The following DNAH1 variants were observed in gnomAD, a reference collection of about 807,000 sequenced individuals.
The protein encoded by DNAH1 is axonemal beta dynein heavy chain 1.
Under a neutral mutation model 484.3 loss-of-function variants are expected in DNAH1, and 327 were observed. The observed-to-expected ratio is 0.68, with a 90% CI of 0.62 to 0.74. The LOEUF is 0.74. Among genes scored for constraint, DNAH1 ranks in the 30% least tolerant of loss-of-function variants. The pLI is 0.00. For missense variants in DNAH1, 5,052 were observed against 5,546.8 expected (o/e 0.91, Z 2.83); for synonymous variants, 2,192 against 2,191.9 (o/e 1.00, Z 0.00).
chr3:52,366,139 G>T (rs1213834818), intron 34 of DNAH1, among the ~76,000 whole-genome samples: 1 of 152,204 alleles, frequency 6.6e-6, no homozygotes, highest in South Asian at 2.1e-4. Context: ...CAGCAGGCTG[G>T]GGCTGAAGTT....
At chr3:52,325,752 G>T (rs555490910) in intron 3 of DNAH1, among the ~76,000 whole-genome samples, 1 of 152,164 alleles carries the variant, frequency 6.6e-6, no homozygotes, top group Non-Finnish European at 1.5e-5. Flanking sequence ...TGCTGAGGGG[G>T]CCTCTGCAGT....
intron 8 of DNAH1, among the ~76,000 whole-genome samples, chr3:52,343,510 G>A (rs1657619846): frequency 6.6e-6 from 1 of 152,142 alleles, no homozygotes; most frequent in Non-Finnish European, 1.5e-5. Flanking sequence ...GGCAGAGAAG[G>A]TGAGAGAGAG....
chr3:52,368,963 G>A lies in DNAH1; in HGVS notation c.5943+45G>A. ...TGCCCACTCTCCTCCAAGGCTGGGT[G>A]GGCCTGGAGGCTGCATCATGCTGGC... On this transcript the variant is annotated intron_variant, in intron 37 of 77. Coordinates refer to ENST00000420323, the MANE Select transcript of DNAH1 (RefSeq NM_015512.5). This position sits in a 1 kb window ranked among gnomAD's most constrained non-coding sequence, Gnocchi z 4.4. 1.9e-6 allele frequency: 3 copies of A among 1,595,298 alleles called. No homozygotes were observed. The South Asian group carries it at 3.3e-5, about 18-fold the overall frequency.
At chr3:52,323,958 T>C in intron 3 of DNAH1, 78 bp downstream of exon 3, 2 of 1,140,050 alleles carry the variant, frequency 1.8e-6, no homozygotes, top group Non-Finnish European at 2.5e-6. Context: ...GGAGACAGCC[T>C]TTTCTTGGCT....
chr3:52,380,639 C>T (rs984774624), intron 48 of DNAH1, among the ~76,000 whole-genome samples: 1 of 152,224 alleles, frequency 6.6e-6, no homozygotes, highest in Non-Finnish European at 1.5e-5. Flanking sequence ...TCCATGTGTC[C>T]CTGGGTCAGG....
At position 52,364,938 on chromosome 3, in the gene DNAH1, A is replaced by C. The variant is rs763395054; in HGVS notation, c.5437A>C (p.Lys1813Gln). Residue 1813 changes from lysine (K) to glutamine (Q), a missense_variant, in exon 34 of 78, where the codon AAG becomes CAG. Coordinates refer to ENST00000420323, the MANE Select transcript of DNAH1 (RefSeq NM_015512.5). This position sits in a 1 kb window ranked among gnomAD's most constrained non-coding sequence, Gnocchi z 4.2. ...GIVSDLFPTI[K>Q]EEDTDYGILD... Reference sequence around the variant, plus strand: ...CGTGTCCGACCTGTTTCCCACCATCAAGGAGGAGGACACGGACTACGGCAT... The same window carrying C: ...CGTGTCCGACCTGTTTCCCACCATCCAGGAGGAGGACACGGACTACGGCAT... 6.2e-6 allele frequency: 10 copies of C among 1,613,886 alleles called. No homozygotes were observed. Among genetic ancestry groups the C allele is most frequent in the Non-Finnish European group, 8.5e-6 (10 of 1,179,846 alleles).
rs1703841341 is a variant in DNAH1 at position 52,381,501 on chromosome 3, G to A, written c.7609-139G>A. 4.3e-6 allele frequency: 3 copies of A among 689,846 alleles called. No homozygotes were observed. 42.7% of individuals were successfully genotyped at this position (689,846 alleles called of 1,614,324 possible). A position where few individuals can be genotyped will look rare whatever the true frequency, so the allele number is the denominator to read the frequency against. On this transcript the variant is annotated intron_variant, in intron 48 of 77. Coordinates refer to ENST00000420323, the MANE Select transcript of DNAH1 (RefSeq NM_015512.5). The surrounding 1 kb of genome is among the most constrained non-coding windows in gnomAD (Gnocchi z 4.1). ...GGGCTCGAGCCTGCAGGGGAAACATGCAGCTGGCCGGGTCACAGGTGGTCA... is the reference window on the plus strand; with the variant it reads ...GGGCTCGAGCCTGCAGGGGAAACATACAGCTGGCCGGGTCACAGGTGGTCA...
At chr3:52,316,196 A>G (rs6445386), upstream of DNAH1, 29,563 of 152,234 alleles carry the variant, frequency 0.19, 3,388 homozygotes, top group African/African-American at 0.31. Flanking sequence ...CATCCCTGAC[A>G]TCCCACCATA....
chr3:52,346,882 G>A (rs1702167029), intron 11 of DNAH1, 112 bp downstream of exon 11: 3 of 1,225,988 alleles, frequency 2.4e-6, no homozygotes, highest in Middle Eastern at 2.8e-4. Flanking sequence ...CCAGGTCCCA[G>A]GCAGTAAGGA....
upstream of DNAH1, among the ~76,000 whole-genome samples, chr3:52,313,521 T>A (rs1229429456): frequency 6.6e-6 from 1 of 152,150 alleles, no homozygotes; most frequent in Non-Finnish European, 1.5e-5. Flanking sequence ...CCCTCCTTTC[T>A]TGCCACCTCA....
chr3:52,377,426 G>A (rs1703651059), intron 46 of DNAH1, among the ~76,000 whole-genome samples: 1 of 151,932 alleles, frequency 6.6e-6, no homozygotes, highest in African/African-American at 2.4e-5. Flanking sequence ...GCCCCGCCAT[G>A]GTCTCCTGGC....
At chr3:52,384,501 G>A (rs1350387961) in intron 52 of DNAH1, among the ~76,000 whole-genome samples, 2 of 152,200 alleles carry the variant, frequency 1.3e-5, no homozygotes, top group African/African-American at 4.8e-5. Flanking sequence ...AAGACCACTG[G>A]GCCAAGAGCT....
In DNAH1 at chr3:52,360,279, A is replaced by G. The variant is rs201192837; in HGVS notation, c.4572-32A>G. 138 of 1,593,854 alleles carry G rather than the reference A, an allele frequency of 8.7e-5. 2 individuals carry two copies. The East Asian group carries it at 2.6e-3, about 30-fold the overall frequency. On this transcript the variant is annotated intron_variant, in intron 27 of 77. Transcript: ENST00000420323. ...ACCCTGCCCAGTGGCCCATTGCCCC[A>G]TGGCCAGGCCCTCATCTCCCTGCAC...
At chr3:52,372,202 T>C in intron 42 of DNAH1, 25 bp from the exon 43 acceptor site, 2 of 1,613,208 alleles carry the variant, frequency 1.2e-6, no homozygotes, top group Non-Finnish European at 1.7e-6. Context: ...CACCGCATGC[T>C]CCTGTGCCAT....
intron 32 of DNAH1, among the ~76,000 whole-genome samples, chr3:52,363,929 G>C (rs548243411): frequency 6.6e-6 from 1 of 152,066 alleles, no homozygotes; most frequent in African/African-American, 2.4e-5. Context: ...GGGTGCCGGC[G>C]CTCCCACACA....
At chr3:52,369,646 A>G (rs1279322472) in intron 37 of DNAH1, among the ~76,000 whole-genome samples, 179 bp from the exon 38 acceptor site, 1 of 151,950 alleles carries the variant, frequency 6.6e-6, no homozygotes, top group East Asian at 1.9e-4. Flanking sequence ...CTCCAGGGAG[A>G]GCCACGTTAT....
intron 52 of DNAH1, among the ~76,000 whole-genome samples, chr3:52,384,389 C>A (rs1056989549): frequency 6.6e-6 from 1 of 152,160 alleles, no homozygotes; most frequent in East Asian, 1.9e-4. Flanking sequence ...ATTTCCCTAC[C>A]AGCTGTGCTG....
chr3:52,399,936 C>A (rs1704833282), intron 77 of DNAH1, among the ~76,000 whole-genome samples, 157 bp downstream of exon 77: 1 of 152,242 alleles, frequency 6.6e-6, no homozygotes, highest in Non-Finnish European at 1.5e-5. Flanking sequence ...TGCCCAAGGC[C>A]TGCCGTCTGG....
chr3:52,380,929 C>G (rs1016193055), intron 48 of DNAH1, among the ~76,000 whole-genome samples: 3 of 152,170 alleles, frequency 2.0e-5, no homozygotes, highest in Admixed American at 2.0e-4. Context: ...TAGGGGAACT[C>G]ACATACAGGG....
Sources: allele counts gnomAD v4.1 joint callset (sites outside exome capture counted in the v4.1 genomes callset), GRCh38; gene constraint gnomAD v4.1.1; non-coding constraint Gnocchi (gnomAD v3.1); transcripts MANE v1.5; gene names NCBI Gene and HGNC (gene_info 2026-07-23, HGNC 2026-07-21).